The following REEP1 variants were observed in gnomAD, a reference collection of about 807,000 sequenced individuals.
REEP1 encodes the protein receptor accessory protein 1, also known as receptor expression-enhancing protein 1.
Under a neutral mutation model 40.3 loss-of-function variants are expected in REEP1, and 22 were observed. The ratio of observed to expected loss-of-function variants is 0.55; its 90% CI spans 0.39 to 0.78. The LOEUF (loss-of-function observed/expected upper bound fraction) is 0.78, where lower values mean the gene tolerates loss of function less well. REEP1 is among the 30% of genes least tolerant of loss of function. The pLI is 0.00. For missense variants in REEP1, 280 were observed against 361.1 expected (o/e 0.78, Z 1.82); for synonymous variants, 116 against 139.2 (o/e 0.83, Z 1.17).
Position 86,220,028 on chromosome 2 carries a change from T to A in REEP1, c.725A>T (p.Asp242Val). The A allele has an allele frequency of 8.1e-7, 1 of 1,232,174 alleles. No individual in the cohort carries two copies. The highest frequency in any genetic ancestry group is 1.0e-6 in the Non-Finnish European group (1 of 987,992). 76.3% of individuals were successfully genotyped at this position (1,232,174 alleles called of 1,614,324 possible). Residue 242 changes from aspartate (D) to valine (V), a missense_variant, in exon 8 of 9, where the codon GAC becomes GTC. This residue lies in a region of REEP1 where 201 missense variants were observed against 238.5 expected (regional missense o/e 0.84). Coordinates refer to ENST00000538924, the MANE Select transcript of REEP1 (RefSeq NM_001371279.1). ...PLAFSDDEEE[D>V]LLDFMYKYKA... Reference sequence around the variant, plus strand: ...ATACTTGTACATGAAATCCAGCAGGTCTTCCTCCTCGTCGTCAGAAAACGC... The same window carrying A: ...ATACTTGTACATGAAATCCAGCAGGACTTCCTCCTCGTCGTCAGAAAACGC...
intron 2 of REEP1, among the ~76,000 whole-genome samples, chr2:86,273,494 C>T (rs963541824): frequency 6.6e-6 from 1 of 152,022 alleles, no homozygotes; most frequent in African/African-American, 2.4e-5. Flanking sequence ...CCATGTTGCC[C>T]AGGCTGGCCT....
rs138806237 is a variant in REEP1, at chr2:86,222,852, GAGC to G, written c.632-2734_632-2732del. On this transcript the variant is annotated intron_variant, in intron 7 of 8. Coordinates refer to ENST00000538924, the MANE Select transcript of REEP1 (RefSeq NM_001371279.1). ...AGTCCCAAAAGAGGGGCACCAGGAG[GAGC>G]AGGAGAGTGAGTAGCTGGGTAGAAA... Among the ~76,000 whole-genome samples the G allele has an allele frequency of 5.0e-3, 760 of 152,326 alleles. 15 individuals are homozygous for G. Among genetic ancestry groups the G allele is most frequent in the African/African-American group, 0.018 (731 of 41,584 alleles).
intron 6 of REEP1, among the ~76,000 whole-genome samples, chr2:86,231,637 T>C (rs1298290742): frequency 6.6e-6 from 1 of 152,184 alleles, no homozygotes; most frequent in Non-Finnish European, 1.5e-5. Flanking sequence ...CAGACAGACA[T>C]TGTGGACATA....
chr2:86,230,049 G>C (rs923481608), intron 6 of REEP1, among the ~76,000 whole-genome samples: 3 of 152,204 alleles, frequency 2.0e-5, no homozygotes, highest in African/African-American at 7.2e-5. Context: ...GGCCAAGGGG[G>C]CCAGCAGTGA....
intron 5 of REEP1, chr2:86,251,640 T>C (rs1676279246): frequency 1.3e-5 from 5 of 393,264 alleles, no homozygotes; most frequent in South Asian, 1.1e-4. Context: ...AAGTGCCAAG[T>C]AAGTTAGAAA....
At chr2:86,310,032 G>A (rs1173830499) in intron 1 of REEP1, among the ~76,000 whole-genome samples, 1 of 152,170 alleles carries the variant, frequency 6.6e-6, no homozygotes, top group Non-Finnish European at 1.5e-5. Context: ...CACCAAGCAT[G>A]TCTGTACCTT....
chr2:86,221,512 T>TG (rs1674424607), intron 7 of REEP1, among the ~76,000 whole-genome samples: 1 of 152,170 alleles, frequency 6.6e-6, no homozygotes, highest in South Asian at 2.1e-4. Context: ...CAAAGACCAG[T>TG]GACTCCAGGG....
chr2:86,298,469 T>C (rs1679096655), intron 1 of REEP1, among the ~76,000 whole-genome samples: 1 of 152,226 alleles, frequency 6.6e-6, no homozygotes, highest in African/African-American at 2.4e-5. Context: ...AACACTGTTC[T>C]ATTGCTGGTG....
intron 1 of REEP1, among the ~76,000 whole-genome samples, chr2:86,313,438 T>C (rs1295393934): frequency 1.7e-4 from 26 of 152,156 alleles, no homozygotes; most frequent in Admixed American, 1.7e-3. Flanking sequence ...CTTCTCTGGA[T>C]TCCATCTGTT....
At chr2:86,287,705 A>G (rs1368701631) in intron 1 of REEP1, among the ~76,000 whole-genome samples, 1 of 152,142 alleles carries the variant, frequency 6.6e-6, no homozygotes, top group Non-Finnish European at 1.5e-5. Flanking sequence ...ATAATTCTTA[A>G]TCTGGAGAAA....
intron 1 of REEP1, chr2:86,297,684 G>A (rs1573004744): frequency 2.0e-6 from 2 of 984,886 alleles, no homozygotes; most frequent in South Asian, 4.7e-5. Context: ...CAAGGTGGAT[G>A]TTTTCTGAAG....
rs1296429727 is a variant in REEP1 at position 86,315,833 on chromosome 2, C to T, written c.32+21646G>A. On this transcript the variant is annotated intron_variant, in intron 1 of 8. Coordinates refer to ENST00000538924, the MANE Select transcript of REEP1 (RefSeq NM_001371279.1). The stretch of plus-strand genomic sequence containing the variant: ...GGTCCTGGCTGGTTTCAGTCAAACA[C>T]ATCCCATGCCCATGCCATAGGGAGT... Among the ~76,000 whole-genome samples the T allele has an allele frequency of 5.9e-5, 9 of 152,220 alleles. 1 individual carries two copies. The highest frequency in any genetic ancestry group is 5.9e-4 in the Admixed American group (9 of 15,292).
chr2:86,303,917 G>A (rs75170488), intron 1 of REEP1, among the ~76,000 whole-genome samples: 12,023 of 152,226 alleles, frequency 0.079, 781 homozygotes, highest in African/African-American at 0.17. Flanking sequence ...ACATCTGACA[G>A]CATCCATCCA....
chr2:86,221,327 T>C (rs1276663353), intron 7 of REEP1, among the ~76,000 whole-genome samples: 1 of 152,210 alleles, frequency 6.6e-6, no homozygotes, highest in Non-Finnish European at 1.5e-5. Flanking sequence ...TGGGGTGTGA[T>C]TGGTTCAGAC....
chr2:86,313,899 C>CA (rs1679872692), intron 1 of REEP1, among the ~76,000 whole-genome samples: 1 of 152,148 alleles, frequency 6.6e-6, no homozygotes, highest in Non-Finnish European at 1.5e-5. Flanking sequence ...AAGAGAAGCC[C>CA]AAAATTTGAA....
chr2:86,316,011 T>C (rs1197923155), intron 1 of REEP1, among the ~76,000 whole-genome samples: 1 of 152,118 alleles, frequency 6.6e-6, no homozygotes, highest in Non-Finnish European at 1.5e-5. Context: ...TCAAGGCTCC[T>C]AGAAGCCGCC....
intron 5 of REEP1, among the ~76,000 whole-genome samples, chr2:86,234,336 G>A (rs2104067744): frequency 6.6e-6 from 1 of 152,176 alleles, no homozygotes; most frequent in East Asian, 1.9e-4. Flanking sequence ...TGGGCAACAA[G>A]CGAGACCCTG....
chr2:86,291,506 T>C (rs1678691279), intron 1 of REEP1, among the ~76,000 whole-genome samples: 1 of 152,150 alleles, frequency 6.6e-6, no homozygotes, highest in Non-Finnish European at 1.5e-5. Flanking sequence ...CCTGCTCCTC[T>C]CTGCAGATTT....
intron 2 of REEP1, among the ~76,000 whole-genome samples, chr2:86,266,665 A>G (rs1677156532): frequency 6.8e-6 from 1 of 147,706 alleles, no homozygotes; most frequent in Non-Finnish European, 1.5e-5. Context: ...AAAATAAAAT[A>G]AATAAATAAA....
Sources: allele counts gnomAD v4.1 joint callset (sites outside exome capture counted in the v4.1 genomes callset), GRCh38; gene constraint gnomAD v4.1.1; regional missense constraint gnomAD v4.1.1; transcripts MANE v1.5; gene names NCBI Gene and HGNC (gene_info 2026-07-23, HGNC 2026-07-21).